Variants in HIP1 observed in about 807,000 individuals in gnomAD.
HIP1 encodes huntingtin-interacting protein 1.
HIP1 carries 65 observed loss-of-function variants against 147.6 expected under a neutral mutation model. The observed-to-expected ratio is 0.44, with a 90% confidence interval of 0.36 to 0.54. The LOEUF is 0.54. Ranked by LOEUF, HIP1 falls within the 20% of genes least tolerant of loss-of-function variation. The probability of loss-of-function intolerance (pLI) is 0.00; values close to 1 mark genes in which losing one functional copy is unlikely to be tolerated. For synonymous variants in HIP1, 479 were observed against 504.0 expected, an observed-to-expected ratio of 0.95 and a Z score of 0.67; for missense variants, 1,061 against 1,299.6, an observed-to-expected ratio of 0.82 and a Z score of 2.82.
At chr7:75,600,671 T>C (rs1796941108) in intron 1 of HIP1, among the ~76,000 whole-genome samples, 1 of 152,200 alleles carries the variant, frequency 6.6e-6, no homozygotes, top group African/African-American at 2.4e-5. Context: ...GATTGTCATA[T>C]ATAGACTTCT....
At chr7:75,597,340 C>T (rs1584857229) in intron 2 of HIP1, among the ~76,000 whole-genome samples, 2 of 152,156 alleles carry the variant, frequency 1.3e-5, no homozygotes, top group Non-Finnish European at 1.5e-5. Flanking sequence ...GGCTAGAAGG[C>T]TTCGGGACAA....
At chr7:75,736,873 G>T (rs1476659765) in intron 1 of HIP1, among the ~76,000 whole-genome samples, 3 of 151,506 alleles carry the variant, frequency 2.0e-5, no homozygotes, top group African/African-American at 7.3e-5. Flanking sequence ...TAGAGACAGG[G>T]TCCCACTGCT....
Position 75,554,097 on chromosome 7 carries a change from A to G in HIP1, c.2158+16T>C. 1 of 1,602,122 alleles carries G rather than the reference A, an allele frequency of 6.2e-7. No individual in the cohort carries two copies. Among genetic ancestry groups the G allele is most frequent in the Non-Finnish European group, 8.5e-7 (1 of 1,169,774 alleles). On this transcript the variant is annotated intron_variant, in intron 21 of 30. Transcript: ENST00000336926. ...TCCCCTGGTCCATGAACAGCCCCTC[A>G]TGCCCCGGTACTCACAGTCGGCAGG...
rs1796188356 is a variant in HIP1 at position 75,584,702 on chromosome 7, C to G, written c.465+2051G>C. Among the ~76,000 whole-genome samples the G allele has an allele frequency of 3.9e-5, 6 of 152,104 alleles. No homozygotes were observed. The South Asian group carries it at 1.2e-3, about 32-fold the overall frequency. On this transcript the variant is annotated intron_variant, in intron 5 of 30. Transcript: ENST00000336926. ...AAGGGACCCCTTTGGCCTCTATCAG[C>G]CCCGCAGCCCCACTGCCCCAGCTCC...
chr7:75,720,025 G>A (rs1325774535), intron 1 of HIP1, among the ~76,000 whole-genome samples: 1 of 152,180 alleles, frequency 6.6e-6, no homozygotes, highest in Non-Finnish European at 1.5e-5. Context: ...TCCAGGAACT[G>A]GGAAAATAAG....
At chr7:75,590,535 A>T (rs1289728565) in intron 4 of HIP1, among the ~76,000 whole-genome samples, 1 of 152,196 alleles carries the variant, frequency 6.6e-6, no homozygotes, top group East Asian at 1.9e-4. Context: ...GGGAGACATA[A>T]ATCTAAACAT....
intron 1 of HIP1, among the ~76,000 whole-genome samples, chr7:75,668,698 C>T (rs926174199): frequency 5.9e-5 from 9 of 152,302 alleles, no homozygotes; most frequent in East Asian, 5.8e-4. Flanking sequence ...ATCAGCTCAC[C>T]GCTGGACCAA....
intron 1 of HIP1, among the ~76,000 whole-genome samples, chr7:75,645,131 A>C (rs1020304807): frequency 6.6e-6 from 1 of 152,204 alleles, no homozygotes; most frequent in Non-Finnish European, 1.5e-5. Context: ...TCATAATAAC[A>C]GATAACATTG....
At position 75,578,156 on chromosome 7, in the gene HIP1, G is replaced by A. The variant is rs1014680389; in HGVS notation, c.604+3081C>T. On this transcript the variant is annotated intron_variant, in intron 7 of 30. Transcript: ENST00000336926. ...CCATCTCCGCTTACTCATGGTCCACGGTCTGTCAGGAACTGGAAGGATGAC... is the reference window on the plus strand; with the variant it reads ...CCATCTCCGCTTACTCATGGTCCACAGTCTGTCAGGAACTGGAAGGATGAC... 9.9e-5 allele frequency among the ~76,000 whole-genome samples: 15 copies of A among 152,080 alleles called. No individual in the cohort carries two copies. The East Asian group carries it at 2.9e-3, about 29-fold the overall frequency.
At chr7:75,593,766 G>T (rs1554501214) in intron 2 of HIP1, among the ~76,000 whole-genome samples, 1 of 151,766 alleles carries the variant, frequency 6.6e-6, no homozygotes, top group East Asian at 1.9e-4. Flanking sequence ...CATTTAGCCA[G>T]CCTTTTGCTT....
chr7:75,613,130 A>C (rs1419600202), intron 1 of HIP1, among the ~76,000 whole-genome samples: 1 of 152,072 alleles, frequency 6.6e-6, no homozygotes, highest in Non-Finnish European at 1.5e-5. Context: ...AAAGAAAAGA[A>C]AACTAGAAAG....
rs587625896 is a variant in HIP1, at chr7:75,636,412, C to A, written c.121-37165G>T. 5.3e-5 allele frequency among the ~76,000 whole-genome samples: 8 copies of A among 152,204 alleles called. No individual in the cohort carries two copies. In the South Asian group the frequency reaches 1.0e-3, roughly 20 times the overall value. ...CTATAATCTGCTTTTCCTCACTCTG[C>A]GTAAGCAGGAGAAACCTCCAAGGCT... is the stretch of plus-strand genomic sequence containing the variant. On this transcript the variant is annotated intron_variant, in intron 1 of 30. Transcript: ENST00000336926.
chr7:75,728,787 C>CAA (rs782634244), intron 1 of HIP1, among the ~76,000 whole-genome samples: 789 of 62,088 alleles, frequency 0.013, 20 homozygotes, highest in African/African-American at 0.036. Context: ...GACTCTGTCT[C>CAA]AAAAAAAAAA....
intron 8 of HIP1, among the ~76,000 whole-genome samples, chr7:75,571,326 T>G (rs1189212642): frequency 6.6e-6 from 1 of 152,158 alleles, no homozygotes; most frequent in East Asian, 1.9e-4. Context: ...GAAAAGTTCA[T>G]CTGTATTCAG....
chr7:75,638,136 A>G (rs1007132879), intron 1 of HIP1, among the ~76,000 whole-genome samples: 1 of 151,450 alleles, frequency 6.6e-6, no homozygotes, highest in Non-Finnish European at 1.5e-5. Flanking sequence ...GACGGTAGGG[A>G]CAGTACCCTG....
intron 28 of HIP1, 122 bp from the exon 29 acceptor site, chr7:75,542,102 A>C: frequency 1.2e-6 from 1 of 803,048 alleles, no homozygotes; most frequent in Admixed American, 1.8e-5. Context: ...CACTGCATGA[A>C]AGTAAGTGAG....
At chr7:75,548,086 C>A (rs959483697) in intron 23 of HIP1, among the ~76,000 whole-genome samples, 1 of 151,722 alleles carries the variant, frequency 6.6e-6, no homozygotes, top group East Asian at 2.0e-4. Context: ...CTGGAGTGAG[C>A]GGTACGATCT....
chr7:75,721,617 C>G (rs183814568), intron 1 of HIP1, among the ~76,000 whole-genome samples: 70 of 152,232 alleles, frequency 4.6e-4, no homozygotes, highest in Non-Finnish European at 7.9e-4. Flanking sequence ...CAAAGACACT[C>G]CCAAAGTTGT....
At position 75,592,524 on chromosome 7, in the gene HIP1, G is replaced by A. The variant is rs374134518; in HGVS notation, c.185-10C>T. The stretch of plus-strand genomic sequence containing the variant: ...GTGCCCAGTATGCACGGTGAGGGGG[G>A]GTTATGGAAAACAACGGATGGGCTC... On this transcript the variant is annotated splice_polypyrimidine_tract_variant and intron_variant, in intron 2 of 30. Coordinates refer to ENST00000336926, the MANE Select transcript of HIP1 (RefSeq NM_005338.7). 2 of 1,607,510 alleles carry A rather than the reference G, an allele frequency of 1.2e-6. No individual in the cohort carries two copies. The highest frequency in any genetic ancestry group is 1.8e-5 in the Admixed American group (1 of 56,928).
Sources: gnomAD v4.1 joint callset for allele counts (sites outside exome capture counted in the v4.1 genomes callset) on GRCh38, gnomAD v4.1.1 for gene constraint, MANE v1.5 for transcripts, NCBI Gene and HGNC (gene_info 2026-07-23, HGNC 2026-07-21) for gene names.